Variants in NR1I2 observed in about 807,000 individuals in gnomAD.
NR1I2 encodes the protein nuclear receptor subfamily 1 group I member 2, also known as orphan nuclear receptor PAR1.
A neutral mutation model predicts 43.3 loss-of-function variants in NR1I2; 42 were observed. The observed-to-expected ratio is 0.97, with a 90% CI of 0.76 to 1.26. The LOEUF (loss-of-function observed/expected upper bound fraction) is 1.26. Ranked by LOEUF, NR1I2 falls within the 50% of genes most tolerant of loss-of-function variation. The pLI is 0.00. For synonymous variants in NR1I2, 229 were observed against 215.0 expected, an observed-to-expected ratio of 1.06 and a Z score of -0.57; for missense variants, 559 against 566.7, an observed-to-expected ratio of 0.99 and a Z score of 0.14.
At chr3:119,792,420 C>T in intron 1 of NR1I2, 1 of 1,210,018 alleles carries the variant, frequency 8.3e-7, no homozygotes, top group Non-Finnish European at 1.2e-6. Flanking sequence ...AACTCACTGG[C>T]CACTGCAGGG....
Position 119,815,837 on chromosome 3 carries a change from C to G in NR1I2, c.1160+6C>G. ...CGGCCCCAGCCTGCTCATAGGTGAGCACAGCAGGGGGTGAGGACCCGTGAG... is the reference window on the plus strand; with the variant it reads ...CGGCCCCAGCCTGCTCATAGGTGAGGACAGCAGGGGGTGAGGACCCGTGAG... On this transcript the variant is annotated splice_donor_region_variant and intron_variant, in intron 8 of 8. Coordinates refer to ENST00000393716, the MANE Select transcript of NR1I2 (RefSeq NM_003889.4). The G allele has an allele frequency of 6.2e-7, 1 of 1,600,018 alleles. No individual in the cohort carries two copies. Among genetic ancestry groups the G allele is most frequent in the Non-Finnish European group, 8.5e-7 (1 of 1,171,968 alleles).
At chr3:119,809,965 G>A (rs1213251674) in intron 2 of NR1I2, 96 bp from the exon 3 acceptor site, 2 of 1,513,686 alleles carry the variant, frequency 1.3e-6, no homozygotes, top group Middle Eastern at 1.8e-4. Flanking sequence ...TCCCCGAGTC[G>A]GTAGGGGCTG....
chr3:119,814,831 C>T, intron 5 of NR1I2, 148 bp from the exon 6 acceptor site: 1 of 976,818 alleles, frequency 1.0e-6, no homozygotes, highest in Non-Finnish European at 1.6e-6. Flanking sequence ...GAGAGGCAGC[C>T]AGACAGCAGC....
chr3:119,788,109 AATT>A (rs34919701), intron 1 of NR1I2, among the ~76,000 whole-genome samples: 74,705 of 151,282 alleles, frequency 0.49, 21,056 homozygotes, highest in East Asian at 0.76. Context: ...CTTTTTAAAA[AATT>A]ATTATTATTA....
At position 119,815,840 on chromosome 3, in the gene NR1I2, A is replaced by G; in HGVS notation, c.1160+9A>G. ...CCCCAGCCTGCTCATAGGTGAGCAC[A>G]GCAGGGGGTGAGGACCCGTGAGGGT... On this transcript the variant is annotated intron_variant, in intron 8 of 8. Transcript: ENST00000393716. The G allele has an allele frequency of 1.3e-6, 2 of 1,592,576 alleles. No homozygotes were observed. The highest frequency in any genetic ancestry group is 1.1e-5 in the South Asian group (1 of 88,536).
intron 3 of NR1I2, chr3:119,811,272 C>T: frequency 2.6e-6 from 1 of 389,526 alleles, no homozygotes; most frequent in Non-Finnish European, 4.6e-6. Context: ...GAAGCCCGTG[C>T]TCTTGCCAGG....
chr3:119,814,872 T>C, intron 5 of NR1I2, 107 bp from the exon 6 acceptor site: 1 of 1,395,260 alleles, frequency 7.2e-7, no homozygotes, highest in Non-Finnish European at 1.0e-6. Flanking sequence ...GGAGCCATCC[T>C]CCCTCTTCCT....
chr3:119,798,648 A>AAG (rs2055033096), intron 1 of NR1I2, among the ~76,000 whole-genome samples: 1 of 151,504 alleles, frequency 6.6e-6, no homozygotes, highest in South Asian at 2.1e-4. Flanking sequence ...TCAAAAAAAA[A>AAG]AAAAAAGAAA....
At chr3:119,788,238 C>A (rs186125568) in intron 1 of NR1I2, among the ~76,000 whole-genome samples, 1 of 152,144 alleles carries the variant, frequency 6.6e-6, no homozygotes, top group African/African-American at 2.4e-5. Flanking sequence ...CTCAGCCCCC[C>A]AGAGAGCTGG....
At chr3:119,796,426 A>T (rs150759972) in intron 1 of NR1I2, among the ~76,000 whole-genome samples, 5 of 152,230 alleles carry the variant, frequency 3.3e-5, no homozygotes, top group Non-Finnish European at 7.4e-5. Flanking sequence ...AGCAGGTTCT[A>T]TCTAGTTCTA....
intron 1 of NR1I2, among the ~76,000 whole-genome samples, chr3:119,788,105 A>T (rs900547023): frequency 9.0e-6 from 1 of 110,646 alleles, no homozygotes; most frequent in African/African-American, 2.5e-5. Context: ...TTGACTTTTT[A>T]AAAAATTATT....
At chr3:119,782,607 C>T in intron 1 of NR1I2, 6 of 632,086 alleles carry the variant, frequency 9.5e-6, no homozygotes, top group Non-Finnish European at 1.4e-5. Context: ...AACCAGCTCC[C>T]TGTTACAGGG....
chr3:119,811,563 A>C lies in NR1I2; in HGVS notation c.356A>C (p.Glu119Ala). 6.2e-7 allele frequency: 1 copy of C among 1,613,552 alleles called. No individual in the cohort carries two copies. The change falls in exon 4 of 9, where the codon GAG (glutamate) becomes GCG (alanine). Residue 119 changes from glutamate to alanine, a missense_variant. Glu to Ala is a moderately radical substitution (Grantham distance 107). Transcript: ENST00000393716. ...GTGATCATGTCCGACGAGGCCGTGG[A>C]GGAGAGGCGGGCCTTGATCAAGCGG...
At chr3:119,801,500 G>A (rs1215360301) in intron 1 of NR1I2, among the ~76,000 whole-genome samples, 1 of 152,370 alleles carries the variant, frequency 6.6e-6, no homozygotes, top group Non-Finnish European at 1.5e-5. Context: ...TGCCCAGAGG[G>A]CAACATTCTG....
At position 119,794,756 on chromosome 3, in the gene NR1I2, G is replaced by T. The variant is rs115477973; in HGVS notation, c.-23+12456G>T. 8.8e-3 allele frequency among the ~76,000 whole-genome samples: 1,339 copies of T among 152,246 alleles called. 15 individuals carry two copies. Among genetic ancestry groups the T allele is most frequent in the African/African-American group, 0.03 (1,263 of 41,540 alleles). On this transcript the variant is annotated intron_variant, in intron 1 of 8. Transcript: ENST00000393716. ...AGTTCAAGATTAGCCTGGCCAACATGGTGAAAAACCTGTCTCTACTGAAAA... is the reference window on the plus strand; with the variant it reads ...AGTTCAAGATTAGCCTGGCCAACATTGTGAAAAACCTGTCTCTACTGAAAA...
chr3:119,800,700 G>A (rs2055067157), intron 1 of NR1I2, among the ~76,000 whole-genome samples: 1 of 152,072 alleles, frequency 6.6e-6, no homozygotes, highest in African/African-American at 2.4e-5. Flanking sequence ...CTCTGGATGT[G>A]GTCAGAGTGG....
chr3:119,791,870 T>C, intron 1 of NR1I2: 1 of 589,940 alleles, frequency 1.7e-6, no homozygotes, highest in Non-Finnish European at 3.2e-6. Flanking sequence ...TGGCCTTAGC[T>C]GTTGCAGAAG....
chr3:119,804,769 C>T (rs1255345415), intron 1 of NR1I2, among the ~76,000 whole-genome samples: 1 of 152,074 alleles, frequency 6.6e-6, no homozygotes, highest in Non-Finnish European at 1.5e-5. Context: ...TTCTACCATA[C>T]ATCTGTGTTT....
rs1333674559 is a variant in NR1I2 at position 119,815,316 on chromosome 3, T to C, written c.938-7T>C. ...AAGCTGCCCCTCCATCCTGTTACCA[T>C]CCACAGGTGGCTTCCAGCAACTTCT... On this transcript the variant is annotated splice_region_variant and splice_polypyrimidine_tract_variant and intron_variant, in intron 6 of 8. Transcript: ENST00000393716. 1.2e-6 allele frequency: 2 copies of C among 1,611,778 alleles called. No homozygotes were observed. The highest frequency in any genetic ancestry group is 1.7e-4 in the Middle Eastern group (1 of 6,040).
Sources: allele counts gnomAD v4.1 joint callset (sites outside exome capture counted in the v4.1 genomes callset), GRCh38; gene constraint gnomAD v4.1.1; transcripts MANE v1.5; gene names NCBI Gene and HGNC (gene_info 2026-07-23, HGNC 2026-07-21).